The following CNTNAP2 variants were observed in gnomAD, a reference collection of about 807,000 sequenced individuals.
The protein encoded by CNTNAP2 is contactin associated protein 2, also known as contactin-associated protein-like 2.
CNTNAP2 carries 98 observed loss-of-function variants against 155.2 expected under a neutral mutation model. The ratio of observed to expected loss-of-function variants is 0.63; its 90% confidence interval spans 0.54 to 0.75. The LOEUF (loss-of-function observed/expected upper bound fraction) is 0.75, where lower values mean the gene tolerates loss of function less well. CNTNAP2 is among the 30% of genes least tolerant of loss of function. The pLI is 0.00. For synonymous variants in CNTNAP2, 651 were observed against 631.2 expected (o/e 1.03, Z -0.47); for missense variants, 1,727 against 1,688.1 (o/e 1.02, Z -0.40).
chr7:146,818,174 A>G (rs1803210799), intron 2 of CNTNAP2, among the ~76,000 whole-genome samples: 1 of 152,114 alleles, frequency 6.6e-6, no homozygotes, highest in Non-Finnish European at 1.5e-5. Flanking sequence ...GAGAGTTTTA[A>G]TAGGTTTATG....
chr7:148,081,797 C>T (rs983104152), intron 15 of CNTNAP2, among the ~76,000 whole-genome samples: 10 of 151,818 alleles, frequency 6.6e-5, no homozygotes, highest in East Asian at 3.9e-4. Flanking sequence ...TAATTTTTCC[C>T]GAGCATATGA....
At chr7:146,231,004 G>A (rs961923432) in intron 1 of CNTNAP2, among the ~76,000 whole-genome samples, 4 of 88,518 alleles carry the variant, frequency 4.5e-5, no homozygotes, top group Non-Finnish European at 8.6e-5. Context: ...AACAGAGCGA[G>A]ACTTTGTCTC....
rs146898911 is a variant in CNTNAP2 at position 146,568,583 on chromosome 7, A to G, written c.98-205688A>G. On this transcript the variant is annotated intron_variant, in intron 1 of 23. Transcript: ENST00000361727. ...CTACTCTAAATTATGCAGGTTTAAA[A>G]TCTTTCTCTTATTTTGCTGCATTCT... is the stretch of plus-strand genomic sequence containing the variant. 6.7e-4 allele frequency among the ~76,000 whole-genome samples: 102 copies of G among 152,310 alleles called. No individual in the cohort carries two copies. In the East Asian group the frequency reaches 7.5e-3, roughly 11 times the overall value.
chr7:147,433,764 C>T (rs1199375081), intron 10 of CNTNAP2, among the ~76,000 whole-genome samples: 1 of 152,092 alleles, frequency 6.6e-6, no homozygotes, highest in Non-Finnish European at 1.5e-5. Context: ...TATGTTACTA[C>T]CTGGAACTCT....
At chr7:146,553,779 A>G (rs1798155656) in intron 1 of CNTNAP2, among the ~76,000 whole-genome samples, 1 of 151,054 alleles carries the variant, frequency 6.6e-6, no homozygotes, top group South Asian at 2.1e-4. Context: ...TTGTTTCTTA[A>G]AAAAAAAATA....
intron 1 of CNTNAP2, among the ~76,000 whole-genome samples, chr7:146,764,448 T>C (rs2129184464): frequency 6.7e-6 from 1 of 150,194 alleles, no homozygotes; most frequent in African/African-American, 2.5e-5. Flanking sequence ...AGGGTAAAAA[T>C]TGTTTTTTAT....
chr7:148,260,111 A>G (rs1035917741), intron 20 of CNTNAP2, among the ~76,000 whole-genome samples: 14 of 152,252 alleles, frequency 9.2e-5, no homozygotes, highest in African/African-American at 3.4e-4. Flanking sequence ...CCACCTGGCA[A>G]TACGAGTGAA....
chr7:146,499,228 G>T (rs1227236509), intron 1 of CNTNAP2, among the ~76,000 whole-genome samples: 1 of 152,054 alleles, frequency 6.6e-6, no homozygotes, highest in African/African-American at 2.4e-5. Context: ...TCTTGCCCAG[G>T]CTGGAGTGCA....
chr7:147,348,008 T>C (rs1026263995), intron 9 of CNTNAP2, among the ~76,000 whole-genome samples: 1 of 151,996 alleles, frequency 6.6e-6, no homozygotes, highest in Admixed American at 6.6e-5. Context: ...GACCCCCACC[T>C]CACACATAAT....
At chr7:147,337,388 C>A (rs1447940160) in intron 9 of CNTNAP2, among the ~76,000 whole-genome samples, 1 of 152,092 alleles carries the variant, frequency 6.6e-6, no homozygotes, top group Non-Finnish European at 1.5e-5. Flanking sequence ...ACACCCTGTT[C>A]TGGGAACAAT....
At chr7:147,340,327 T>C (rs772792319) in intron 9 of CNTNAP2, among the ~76,000 whole-genome samples, 3 of 152,168 alleles carry the variant, frequency 2.0e-5, no homozygotes, top group Non-Finnish European at 4.4e-5. Context: ...ATATGTGTCC[T>C]TTATGTAAAA....
chr7:146,566,696 C>CAAAAAT (rs10537823), intron 1 of CNTNAP2, among the ~76,000 whole-genome samples: 6 of 149,716 alleles, frequency 4.0e-5, no homozygotes, highest in Admixed American at 6.6e-5. Context: ...GACTCCGTCT[C>CAAAAAT]AAAAATAAAA....
intron 11 of CNTNAP2, among the ~76,000 whole-genome samples, chr7:147,486,500 T>A (rs1220593773): frequency 6.6e-6 from 1 of 152,138 alleles, no homozygotes; most frequent in Non-Finnish European, 1.5e-5. Flanking sequence ...TTGACTACCT[T>A]TTTTTAGATC....
intron 1 of CNTNAP2, among the ~76,000 whole-genome samples, chr7:146,772,749 A>T (rs1326225992): frequency 1.3e-5 from 2 of 152,126 alleles, no homozygotes; most frequent in Non-Finnish European, 2.9e-5. Flanking sequence ...GAAAGAGATA[A>T]GACTAGTGTT....
chr7:146,937,890 G>T (rs1796957053), intron 3 of CNTNAP2, among the ~76,000 whole-genome samples: 1 of 152,166 alleles, frequency 6.6e-6, no homozygotes. Context: ...TGTTTATAGA[G>T]ACAAAGTTTA....
intron 1 of CNTNAP2, among the ~76,000 whole-genome samples, chr7:146,400,155 T>G (rs1795693181): frequency 1.3e-5 from 2 of 151,890 alleles, no homozygotes; most frequent in South Asian, 4.2e-4. Context: ...AACAATTTCC[T>G]CAGTCTGAAC....
chr7:147,558,242 G>A (rs1291782876), intron 11 of CNTNAP2, among the ~76,000 whole-genome samples: 3 of 151,896 alleles, frequency 2.0e-5, no homozygotes, highest in Non-Finnish European at 4.4e-5. Context: ...TGACATTATG[G>A]TTTTGCATCC....
chr7:146,380,784 C>CTTTTTTTTTTTTTTTTTTTT (rs56886106), intron 1 of CNTNAP2, among the ~76,000 whole-genome samples: 1 of 38,822 alleles, frequency 2.6e-5, no homozygotes, highest in African/African-American at 7.8e-5. Flanking sequence ...TATGCACGTT[C>CTTTTTTTTTTTTTTTTTTTT]TTTTTTTTTT....
At chr7:147,585,703 T>C (rs942886756) in intron 12 of CNTNAP2, among the ~76,000 whole-genome samples, 11 of 152,060 alleles carry the variant, frequency 7.2e-5, no homozygotes, top group African/African-American at 2.7e-4. Context: ...TTATTTTAAA[T>C]TATTTTCTAT....
Sources: allele counts gnomAD v4.1 joint callset (sites outside exome capture counted in the v4.1 genomes callset), GRCh38; gene constraint gnomAD v4.1.1; transcripts MANE v1.5; gene names NCBI Gene and HGNC (gene_info 2026-07-23, HGNC 2026-07-21).